The following ASPH variants were observed in gnomAD, a reference collection of about 807,000 sequenced individuals.
ASPH encodes aspartyl/asparaginyl beta-hydroxylase.
ASPH carries 100 observed loss-of-function variants against 118.4 expected under a neutral mutation model. The ratio of observed to expected loss-of-function variants is 0.84; its 90% CI spans 0.72 to 1.00. The LOEUF (loss-of-function observed/expected upper bound fraction) is 1.00. Among genes scored for constraint, ASPH ranks in the 50% least tolerant of loss-of-function variants. ASPH has a pLI of 0.00. For synonymous variants in ASPH, 315 were observed against 325.6 expected (o/e 0.97, Z 0.35); for missense variants, 920 against 919.5 (o/e 1.00, Z -0.01).
At chr8:61,543,032 T>C (rs892772364) in intron 21 of ASPH, among the ~76,000 whole-genome samples, 3 of 152,194 alleles carry the variant, frequency 2.0e-5, no homozygotes, top group African/African-American at 7.2e-5. Flanking sequence ...CAATTTGAGA[T>C]TAGAATTTGA....
At chr8:61,592,424 C>A (rs1307691055) in intron 14 of ASPH, among the ~76,000 whole-genome samples, 1 of 152,202 alleles carries the variant, frequency 6.6e-6, no homozygotes, top group Non-Finnish European at 1.5e-5. Context: ...ACTATACCTG[C>A]ATTCAGTTTG....
At position 61,573,782 on chromosome 8, in the gene ASPH, G is replaced by C. The variant is rs28831834; in HGVS notation, c.1149+2990C>G. 5.8e-3 allele frequency among the ~76,000 whole-genome samples: 885 copies of C among 152,232 alleles called. 14 individuals are homozygous for C. The highest frequency in any genetic ancestry group is 0.02 in the African/African-American group (832 of 41,544). ...TCTAGGCAATACCATTCAGGATACA[G>C]GCATGGGCAAAGACTTCATGACTAA... On this transcript the variant is annotated intron_variant, in intron 16 of 24. Coordinates refer to ENST00000379454, the MANE Select transcript of ASPH (RefSeq NM_004318.4).
At chr8:61,713,563 C>A (rs574638533) in intron 1 of ASPH, among the ~76,000 whole-genome samples, 76 of 152,196 alleles carry the variant, frequency 5.0e-4, no homozygotes, top group Admixed American at 4.8e-3. Context: ...AAATATGAGA[C>A]GAAACAGATT....
rs539232473 is a variant in ASPH, at chr8:61,669,660, TA to T, written c.322+11307del. ...TTAAATATGAGTAGTATCTAAGGTG[TA>T]AAACACATTAGCATAAAACATTAAA... is the stretch of plus-strand genomic sequence containing the variant. On this transcript the variant is annotated intron_variant, in intron 3 of 24. Transcript: ENST00000379454. 7.9e-4 allele frequency among the ~76,000 whole-genome samples: 120 copies of T among 152,252 alleles called. 1 individual carries two copies. Among genetic ancestry groups the T allele is most frequent in the African/African-American group, 2.8e-3 (116 of 41,560 alleles).
intron 14 of ASPH, among the ~76,000 whole-genome samples, chr8:61,599,647 A>T (rs1235156167): frequency 1.3e-5 from 2 of 152,176 alleles, no homozygotes; most frequent in Admixed American, 1.3e-4. Flanking sequence ...GAACAATCAT[A>T]CACTAACAAA....
At chr8:61,542,231 GC>G (rs1212367607) in intron 21 of ASPH, among the ~76,000 whole-genome samples, 2 of 152,072 alleles carry the variant, frequency 1.3e-5, no homozygotes, top group African/African-American at 4.8e-5. Context: ...TAATGTAATT[GC>G]TGATAAAGTC....
At chr8:61,529,250 C>T (rs1190250539) in intron 21 of ASPH, among the ~76,000 whole-genome samples, 11 of 152,140 alleles carry the variant, frequency 7.2e-5, no homozygotes, top group Non-Finnish European at 1.6e-4. Flanking sequence ...CTGCTCCCCT[C>T]GAGCAAAAGA....
At position 61,626,283 on chromosome 8, in the gene ASPH, G is replaced by T; in HGVS notation, c.935-7264C>A. ...AGTCTTTTTGAAGCTTTAAGTATCT[G>T]CAAAAATAAGGGGAAATCTAAATTA... is the stretch of plus-strand genomic sequence containing the variant. On this transcript the variant is annotated intron_variant, in intron 13 of 24. Transcript: ENST00000379454. 6.4e-7 allele frequency: 1 copy of T among 1,562,018 alleles called. No individual in the cohort carries two copies. Among genetic ancestry groups the T allele is most frequent in the South Asian group, 1.2e-5 (1 of 82,074 alleles).
At chr8:61,672,631 A>C (rs1461860600) in intron 3 of ASPH, among the ~76,000 whole-genome samples, 1 of 152,188 alleles carries the variant, frequency 6.6e-6, no homozygotes, top group Non-Finnish European at 1.5e-5. Flanking sequence ...TATCACATGC[A>C]AGGCTTAGCA....
intron 24 of ASPH, among the ~76,000 whole-genome samples, chr8:61,513,365 C>T (rs1809630848): frequency 1.3e-5 from 2 of 152,212 alleles, no homozygotes. Flanking sequence ...AAGCATTGCA[C>T]AGCACTTTAA....
chr8:61,522,818 C>T (rs1392068500), intron 22 of ASPH, among the ~76,000 whole-genome samples: 4 of 152,148 alleles, frequency 2.6e-5, no homozygotes, highest in Non-Finnish European at 5.9e-5. Context: ...GACTAACACA[C>T]CCAGTGTTTC....
chr8:61,666,752 T>C (rs1437154490), intron 3 of ASPH, among the ~76,000 whole-genome samples: 1 of 152,210 alleles, frequency 6.6e-6, no homozygotes, highest in Non-Finnish European at 1.5e-5. Context: ...AAAACCTTAT[T>C]ACAGTCTTTT....
intron 17 of ASPH, among the ~76,000 whole-genome samples, chr8:61,566,644 T>C (rs1831794416): frequency 6.6e-6 from 1 of 152,212 alleles, no homozygotes; most frequent in Non-Finnish European, 1.5e-5. Context: ...AACTTCATTG[T>C]TGCCTTATTT....
At chr8:61,682,393 T>C (rs758934663) in intron 2 of ASPH, 2 of 1,566,022 alleles carry the variant, frequency 1.3e-6, no homozygotes, top group Admixed American at 1.7e-5. Context: ...GATGAGCCAT[T>C]AGAGAGTAAC....
intron 13 of ASPH, chr8:61,624,818 C>T: frequency 1.0e-6 from 1 of 985,544 alleles, no homozygotes; most frequent in Non-Finnish European, 1.2e-6. Context: ...AAAGTAGCTT[C>T]TATAATTCAC....
chr8:61,571,543 C>A (rs904509530), intron 16 of ASPH, among the ~76,000 whole-genome samples: 2 of 151,860 alleles, frequency 1.3e-5, no homozygotes, highest in Non-Finnish European at 2.9e-5. Context: ...CATTTTTATT[C>A]GTATTATTTT....
intron 21 of ASPH, among the ~76,000 whole-genome samples, chr8:61,547,441 A>G (rs1432610877): frequency 1.3e-5 from 2 of 152,232 alleles, no homozygotes; most frequent in Non-Finnish European, 2.9e-5. Context: ...CTGCAAGATC[A>G]AAACTACTTT....
intron 14 of ASPH, among the ~76,000 whole-genome samples, chr8:61,605,205 A>C (rs966876523): frequency 1.3e-5 from 2 of 152,232 alleles, no homozygotes; most frequent in Non-Finnish European, 2.9e-5. Context: ...CATGTGGATA[A>C]AGTTTATCAC....
At chr8:61,548,291 T>C in intron 20 of ASPH, 83 bp from the exon 21 acceptor site, 1 of 1,432,596 alleles carries the variant, frequency 7.0e-7, no homozygotes, top group Non-Finnish European at 9.3e-7. Flanking sequence ...ACATTAAAAA[T>C]AAGGTATTAC....
Sources: gnomAD v4.1 joint callset for allele counts (sites outside exome capture counted in the v4.1 genomes callset) on GRCh38, gnomAD v4.1.1 for gene constraint, MANE v1.5 for transcripts, NCBI Gene and HGNC (gene_info 2026-07-23, HGNC 2026-07-21) for gene names.